Variants in AGTPBP1 observed in about 807,000 individuals in gnomAD.
AGTPBP1 encodes the protein ATP/GTP binding carboxypeptidase 1, also known as cytosolic carboxypeptidase 1.
Under a neutral mutation model 143.9 loss-of-function variants are expected in AGTPBP1, and 70 were observed. That is an observed-to-expected ratio of 0.49 (90% CI 0.40 to 0.59). The LOEUF is 0.59. Among genes scored for constraint, AGTPBP1 ranks in the 20% least tolerant of loss-of-function variants. The pLI is 0.00. For synonymous variants in AGTPBP1, 463 were observed against 500.2 expected, an observed-to-expected ratio of 0.93 and a Z score of 0.99; for missense variants, 1,229 against 1,464.5, an observed-to-expected ratio of 0.84 and a Z score of 2.62.
At chr9:85,639,884 T>C (rs1312649146) in intron 13 of AGTPBP1, among the ~76,000 whole-genome samples, 14 of 152,236 alleles carry the variant, frequency 9.2e-5, no homozygotes, top group Non-Finnish European at 1.8e-4. Context: ...AGGATGTTGA[T>C]AATTACTTTA....
In AGTPBP1 at chr9:85,663,214, T is replaced by C. The variant is rs1298373107; in HGVS notation, c.663-2241A>G. On this transcript the variant is annotated intron_variant, in intron 8 of 25. Coordinates refer to ENST00000357081, the MANE Select transcript of AGTPBP1 (RefSeq NM_001330701.2). ...GTTTGAATATTCAGCAAAGTAGTGA[T>C]CAGCACATGTGTGTGAAGTAACTAC... 2.0e-5 allele frequency among the ~76,000 whole-genome samples: 3 copies of C among 152,166 alleles called. No homozygotes were observed. In the East Asian group the frequency reaches 5.8e-4, roughly 29 times the overall value.
intron 6 of AGTPBP1, among the ~76,000 whole-genome samples, chr9:85,674,784 T>C (rs560348340): frequency 7.9e-5 from 12 of 152,344 alleles, no homozygotes; most frequent in Admixed American, 2.0e-4. Context: ...TAGAAATACG[T>C]ATGTTAATAA....
the AGTPBP1 span, among the ~76,000 whole-genome samples, chr9:85,766,821 C>A: frequency 6.6e-6 from 1 of 152,152 alleles, no homozygotes; most frequent in Non-Finnish European, 1.5e-5. Context: ...CACAAGGTAT[C>A]AATAAAATCT....
chr9:85,791,774 TC>T, the AGTPBP1 span, among the ~76,000 whole-genome samples: 1 of 152,074 alleles, frequency 6.6e-6, no homozygotes, highest in African/African-American at 2.4e-5. Flanking sequence ...TTTTTATTTT[TC>T]ATACTGGTAT....
chr9:85,605,409 C>G (rs548214897), intron 17 of AGTPBP1, among the ~76,000 whole-genome samples: 1 of 152,114 alleles, frequency 6.6e-6, no homozygotes, highest in South Asian at 2.1e-4. Flanking sequence ...ATCCTTCAAA[C>G]ATGAAGGAGA....
chr9:85,744,236 T>A (rs1044320374), upstream of AGTPBP1, among the ~76,000 whole-genome samples: 3 of 152,152 alleles, frequency 2.0e-5, no homozygotes, highest in African/African-American at 7.2e-5. Context: ...ACCTCAATCC[T>A]TAATCAGACT....
chr9:85,693,374 G>A (rs1836008068), intron 2 of AGTPBP1, among the ~76,000 whole-genome samples: 1 of 152,186 alleles, frequency 6.6e-6, no homozygotes, highest in South Asian at 2.1e-4. Context: ...GCCAAGACTG[G>A]TGGATCACTT....
At chr9:85,680,803 C>T (rs941936639) in intron 4 of AGTPBP1, among the ~76,000 whole-genome samples, 62 of 152,192 alleles carry the variant, frequency 4.1e-4, no homozygotes, top group African/African-American at 1.4e-3. Flanking sequence ...AAAAACTTTA[C>T]ACTGGCGTAG....
intron 23 of AGTPBP1, 144 bp downstream of exon 23, chr9:85,585,319 T>G: frequency 3.7e-6 from 3 of 802,876 alleles, no homozygotes; most frequent in Non-Finnish European, 5.2e-6. Flanking sequence ...AATATAAACA[T>G]GAAAAACTTT....
chr9:85,608,638 G>C (rs2133401890), intron 17 of AGTPBP1, among the ~76,000 whole-genome samples: 1 of 151,162 alleles, frequency 6.6e-6, no homozygotes, highest in Admixed American at 6.6e-5. Flanking sequence ...TTCTTTGCTT[G>C]GAATTTGATG....
intron 25 of AGTPBP1, among the ~76,000 whole-genome samples, chr9:85,573,374 G>A (rs1827652821): frequency 6.6e-6 from 1 of 152,240 alleles, no homozygotes; most frequent in African/African-American, 2.4e-5. Context: ...CCGAGGTGCT[G>A]GGATTGCAGA....
intron 24 of AGTPBP1, 78 bp downstream of exon 24, chr9:85,578,842 T>C (rs906259357): frequency 1.4e-6 from 2 of 1,403,178 alleles, no homozygotes; most frequent in African/African-American, 1.5e-5. Context: ...ATTTAATATA[T>C]ACTTAAAAAC....
intron 17 of AGTPBP1, among the ~76,000 whole-genome samples, chr9:85,615,126 T>G (rs1033143119): frequency 4.6e-5 from 7 of 152,120 alleles, no homozygotes; most frequent in Non-Finnish European, 7.4e-5. Context: ...AGAATAGGAT[T>G]AAGTTAAATC....
At chr9:85,786,546 A>C in the AGTPBP1 span, 2 of 1,613,908 alleles carry the variant, frequency 1.2e-6, no homozygotes, top group Non-Finnish European at 1.7e-6. Context: ...GATTCCATCG[A>C]AGTATCTAGA....
intron 4 of AGTPBP1, among the ~76,000 whole-genome samples, chr9:85,679,090 A>G (rs971126070): frequency 1.3e-5 from 2 of 152,214 alleles, no homozygotes; most frequent in Non-Finnish European, 2.9e-5. Context: ...GTACATCTGT[A>G]TAGTAAGGTA....
At chr9:85,552,055 A>G (rs1826068047) in intron 25 of AGTPBP1, among the ~76,000 whole-genome samples, 1 of 152,142 alleles carries the variant, frequency 6.6e-6, no homozygotes, top group African/African-American at 2.4e-5. Context: ...CTTAACATCT[A>G]TCCTTCTACT....
At chr9:85,800,833 G>A in the AGTPBP1 span, among the ~76,000 whole-genome samples, 1 of 151,830 alleles carries the variant, frequency 6.6e-6, no homozygotes, top group South Asian at 2.1e-4. Context: ...GTGTGTGTGT[G>A]TGTGTGTGTA....
intron 14 of AGTPBP1, among the ~76,000 whole-genome samples, chr9:85,623,882 G>A (rs1831106572): frequency 6.6e-6 from 1 of 152,118 alleles, no homozygotes; most frequent in African/African-American, 2.4e-5. Flanking sequence ...GAAATACATG[G>A]CTTTCCAGTC....
At chr9:85,731,219 C>G (rs1348585493) in intron 1 of AGTPBP1, among the ~76,000 whole-genome samples, 1 of 152,200 alleles carries the variant, frequency 6.6e-6, no homozygotes, top group Non-Finnish European at 1.5e-5. Context: ...TCTTAAAGTA[C>G]TATCACTCCT....
Sources: allele counts gnomAD v4.1 joint callset (sites outside exome capture counted in the v4.1 genomes callset), GRCh38; gene constraint gnomAD v4.1.1; transcripts MANE v1.5; gene names NCBI Gene and HGNC (gene_info 2026-07-23, HGNC 2026-07-21).